The following PPP1R1C variants were observed in gnomAD, a reference collection of about 807,000 sequenced individuals.
PPP1R1C encodes protein phosphatase 1 regulatory subunit 1C.
In PPP1R1C, 15 loss-of-function variants were observed where a neutral mutation model predicts 17.4. The observed-to-expected ratio is 0.86, with a 90% CI of 0.58 to 1.33. The LOEUF (loss-of-function observed/expected upper bound fraction) is 1.33. Among genes scored for constraint, PPP1R1C ranks in the 40% most tolerant of loss-of-function variants. PPP1R1C has a pLI of 0.00. For missense variants in PPP1R1C, 143 were observed against 130.0 expected, an observed-to-expected ratio of 1.10 and a Z score of -0.48; for synonymous variants, 35 against 43.1, an observed-to-expected ratio of 0.81 and a Z score of 0.73.
chr2:182,076,598 A>G (rs563882930), intron 4 of PPP1R1C, among the ~76,000 whole-genome samples: 35 of 152,116 alleles, frequency 2.3e-4, no homozygotes, highest in African/African-American at 6.7e-4. Context: ...AATGAAGTCA[A>G]TCAGAACCCC....
chr2:182,127,063 C>T (rs1689892454), intron 5 of PPP1R1C, among the ~76,000 whole-genome samples: 1 of 151,958 alleles, frequency 6.6e-6, no homozygotes, highest in Admixed American at 6.6e-5. Flanking sequence ...ATAAAATTAC[C>T]ATATTAGAAT....
downstream of PPP1R1C, among the ~76,000 whole-genome samples, chr2:182,121,592 A>G (rs1689734466): frequency 1.3e-5 from 2 of 152,016 alleles, no homozygotes; most frequent in African/African-American, 4.8e-5. Flanking sequence ...GGTTCAAGCG[A>G]TTCCCCTGCC....
intron 2 of PPP1R1C, among the ~76,000 whole-genome samples, chr2:182,025,160 C>A (rs993639955): frequency 6.8e-6 from 1 of 147,972 alleles, no homozygotes; most frequent in African/African-American, 2.5e-5. Flanking sequence ...CTTTGCCAAA[C>A]CTCAAGTAAA....
At chr2:182,021,606 G>A (rs751118920) in intron 2 of PPP1R1C, among the ~76,000 whole-genome samples, 3 of 151,994 alleles carry the variant, frequency 2.0e-5, no homozygotes, top group African/African-American at 4.8e-5. Flanking sequence ...GATTACAGGC[G>A]TGAGCCTCAC....
At chr2:181,963,357 T>C (rs1052439912) in intron 1 of PPP1R1C, among the ~76,000 whole-genome samples, 2 of 152,158 alleles carry the variant, frequency 1.3e-5, no homozygotes, top group Non-Finnish European at 2.9e-5. Flanking sequence ...ATTCGAAAAG[T>C]TGGCCAGGCG....
chr2:182,025,394 T>C (rs1358623840), intron 2 of PPP1R1C, among the ~76,000 whole-genome samples: 1 of 138,994 alleles, frequency 7.2e-6, no homozygotes, highest in Non-Finnish European at 1.5e-5. Flanking sequence ...GAGTGTGATA[T>C]TCCCCTTCCT....
At chr2:182,063,813 G>A (rs115742524) in intron 4 of PPP1R1C, 22 bp downstream of exon 4, 44 of 1,604,556 alleles carry the variant, frequency 2.7e-5, no homozygotes, top group Non-Finnish European at 3.4e-5. Flanking sequence ...GTACTGTTTC[G>A]GGTTGTCATG....
exon 6 of PPP1R1C, chr2:182,129,570 ATAAT>A (rs1212046873): frequency 2.0e-5 from 3 of 152,158 alleles, no homozygotes; most frequent in South Asian, 2.1e-4. Flanking sequence ...TCAATTATTT[ATAAT>A]TAATTAAGTG....
intron 2 of PPP1R1C, among the ~76,000 whole-genome samples, chr2:182,060,397 T>C (rs61711545): frequency 0.045 from 6,877 of 152,152 alleles, 520 homozygotes; most frequent in African/African-American, 0.16. Context: ...TACATATGTA[T>C]ACACTGCTTT....
At chr2:182,114,375 C>G (rs1455332357) in intron 4 of PPP1R1C, among the ~76,000 whole-genome samples, 2 of 151,626 alleles carry the variant, frequency 1.3e-5, no homozygotes, top group Non-Finnish European at 2.9e-5. Context: ...AGAATTACAT[C>G]AAATGTAAGT....
chr2:181,974,868 A>G (rs994226656), intron 1 of PPP1R1C, among the ~76,000 whole-genome samples: 1 of 152,202 alleles, frequency 6.6e-6, no homozygotes, highest in African/African-American at 2.4e-5. Context: ...GGTTATACAT[A>G]TTTTAAAGTG....
intron 2 of PPP1R1C, among the ~76,000 whole-genome samples, chr2:182,006,010 G>T (rs1339524050): frequency 1.3e-5 from 2 of 151,296 alleles, no homozygotes; most frequent in Non-Finnish European, 3.0e-5. Flanking sequence ...AACATTAATA[G>T]TTTGGAAGTT....
chr2:182,021,321 CTTTTTTTTTTTTTTT>C (rs71008205), intron 2 of PPP1R1C, among the ~76,000 whole-genome samples: 5 of 89,658 alleles, frequency 5.6e-5, no homozygotes, highest in African/African-American at 2.0e-4. Flanking sequence ...CTCTCTCTCT[CTTTTTTTTTTTTTTT>C]TTTTTTTTTT....
At chr2:182,057,472 A>G (rs1687721104) in intron 2 of PPP1R1C, among the ~76,000 whole-genome samples, 1 of 152,300 alleles carries the variant, frequency 6.6e-6, no homozygotes, top group South Asian at 2.1e-4. Flanking sequence ...ATAAATGCAC[A>G]GAAGCAGCAA....
chr2:182,073,832 G>T (rs973387438), intron 4 of PPP1R1C, among the ~76,000 whole-genome samples: 1 of 152,162 alleles, frequency 6.6e-6, no homozygotes, highest in African/African-American at 2.4e-5. Context: ...GGTGGGGGCA[G>T]AAACTGTGGA....
chr2:181,955,386 AT>A (rs934138070), intron 1 of PPP1R1C, among the ~76,000 whole-genome samples: 6 of 151,740 alleles, frequency 4.0e-5, no homozygotes, highest in East Asian at 1.9e-4. Context: ...CACAAATACA[AT>A]TTTTTTTTCC....
At chr2:182,029,512 C>G (rs1312119920) in intron 2 of PPP1R1C, among the ~76,000 whole-genome samples, 5 of 149,118 alleles carry the variant, frequency 3.4e-5, no homozygotes, top group Non-Finnish European at 5.9e-5. Context: ...GTTGAAAATT[C>G]TTTTCTTTAA....
rs116620635 is a variant in PPP1R1C, at chr2:181,988,480, G to A, written c.142+581G>A. Among the ~76,000 whole-genome samples, 134 of 152,304 alleles carry A rather than the reference G, an allele frequency of 8.8e-4. 1 individual carries two copies. The highest frequency in any genetic ancestry group is 3.7e-4 in the Non-Finnish European group (25 of 68,030). ...TCCATTTCCTGTAAAAATGAAAACC[G>A]CATTATTATTCCGGATAAAAGACTA... On this transcript the variant is annotated intron_variant, in intron 2 of 4. Coordinates refer to ENST00000682840, the MANE Select transcript of PPP1R1C (RefSeq NM_001080545.3).
downstream of PPP1R1C, among the ~76,000 whole-genome samples, chr2:182,118,883 C>A (rs1689656970): frequency 6.6e-6 from 1 of 151,438 alleles, no homozygotes. Flanking sequence ...CTGTCTTTCT[C>A]CACCCCTCCC....
Sources: allele counts gnomAD v4.1 joint callset (sites outside exome capture counted in the v4.1 genomes callset), GRCh38; gene constraint gnomAD v4.1.1; transcripts MANE v1.5; gene names NCBI Gene and HGNC (gene_info 2026-07-23, HGNC 2026-07-21).